Variants in SYNJ2 observed in about 807,000 individuals in gnomAD.
The protein encoded by SYNJ2 is synaptojanin 2, also known as polyphosphatidylinositol phosphatase SYNJ2.
Under a neutral mutation model 141.3 loss-of-function variants are expected in SYNJ2, and 116 were observed. That is an observed-to-expected ratio of 0.82 (90% CI 0.71 to 0.96). The LOEUF is 0.96. SYNJ2 is among the 40% of genes least tolerant of loss of function. The pLI is 0.00. For missense variants in SYNJ2, 1,873 were observed against 1,934.8 expected (o/e 0.97, Z 0.60); for synonymous variants, 745 against 777.7 (o/e 0.96, Z 0.70).
At chr6:157,983,830 AATT>A (rs1303383435) in intron 1 of SYNJ2, among the ~76,000 whole-genome samples, 59 of 151,692 alleles carry the variant, frequency 3.9e-4, no homozygotes, top group African/African-American at 1.4e-3. Context: ...TTTAAAAAAA[AATT>A]TTTTTTTTTT....
chr6:158,013,939 G>A (rs1456524563), intron 1 of SYNJ2, among the ~76,000 whole-genome samples: 1 of 152,188 alleles, frequency 6.6e-6, no homozygotes, highest in Non-Finnish European at 1.5e-5. Flanking sequence ...GTGTTCTAGT[G>A]CCACTGGTTG....
At chr6:158,091,486 C>T (rs11965543) in intron 25 of SYNJ2, among the ~76,000 whole-genome samples, 5 of 150,990 alleles carry the variant, frequency 3.3e-5, no homozygotes, top group African/African-American at 7.3e-5. Flanking sequence ...CAGTGGCTCA[C>T]GCCTGTAATC....
chr6:158,072,466 A>T (rs1319470616), intron 15 of SYNJ2, among the ~76,000 whole-genome samples: 1 of 152,132 alleles, frequency 6.6e-6, no homozygotes, highest in African/African-American at 2.4e-5. Context: ...ACACGAGGCC[A>T]CCTCTTTCCC....
At chr6:158,072,301 TC>T (rs1781985352) in intron 15 of SYNJ2, among the ~76,000 whole-genome samples, 1 of 152,236 alleles carries the variant, frequency 6.6e-6, no homozygotes, top group Non-Finnish European at 1.5e-5. Flanking sequence ...ATCCTGCCTG[TC>T]CTCGAAGCTG....
At chr6:158,092,848 T>C in intron 25 of SYNJ2, 78 bp from the exon 26 acceptor site, 1 of 1,317,882 alleles carries the variant, frequency 7.6e-7, no homozygotes, top group South Asian at 1.6e-5. Context: ...ACACTTAGGA[T>C]GTAGACTGTC....
chr6:158,078,416 C>A, intron 18 of SYNJ2, 135 bp downstream of exon 18: 1 of 581,084 alleles, frequency 1.7e-6, no homozygotes, highest in Admixed American at 2.8e-5. Context: ...TACAATACAC[C>A]AAAGAACAAA....
intron 3 of SYNJ2, among the ~76,000 whole-genome samples, chr6:158,031,335 A>T (rs924061901): frequency 6.6e-6 from 1 of 152,152 alleles, no homozygotes; most frequent in African/African-American, 2.4e-5. Context: ...TCTCTTCCCT[A>T]TGCCAGCTCT....
chr6:158,079,238 CAG>C (rs1274441819), intron 18 of SYNJ2: 6 of 152,180 alleles, frequency 3.9e-5, no homozygotes, highest in African/African-American at 1.4e-4. Context: ...TCTTTAAAGA[CAG>C]AGGAGAGGAT....
rs1191409103 is a variant in SYNJ2 at position 158,081,833 on chromosome 6, G to A, written c.2865+323G>A. On this transcript the variant is annotated intron_variant, in intron 20 of 26. Transcript: ENST00000355585. ...AGAGAGGATCTCACTCTGTAGCCCC[G>A]GCTGGAGTGCATTGGGACAGTTATG... 5.3e-5 allele frequency among the ~76,000 whole-genome samples: 8 copies of A among 151,770 alleles called. No homozygotes were observed. The East Asian group carries it at 5.8e-4, about 11-fold the overall frequency.
Position 157,981,894 on chromosome 6 carries a change from G to A in SYNJ2, c.-68G>A. 1.0e-5 allele frequency: 12 copies of A among 1,202,780 alleles called. No individual in the cohort carries two copies. Among genetic ancestry groups the A allele is most frequent in the African/African-American group, 1.6e-5 (1 of 63,586 alleles). The allele number at this position is 1,202,780 out of a possible 1,614,324, so 74.5% of individuals were successfully genotyped here. A position where few individuals can be genotyped will look rare whatever the true frequency, so the allele number is the denominator to read the frequency against. On this transcript the variant is annotated 5_prime_UTR_variant, in exon 1 of 27. Transcript: ENST00000355585. The surrounding 1 kb of genome is among the most constrained non-coding windows in gnomAD (Gnocchi z 6.4). ...CTGGCAAGTTGCGGGCGCGCGGGGA[G>A]CTGTCGCGGGCAGCGCGCCCTCGGG...
intron 1 of SYNJ2, chr6:158,001,772 T>G (rs757892413): frequency 2.0e-5 from 3 of 152,254 alleles, no homozygotes; most frequent in African/African-American, 7.2e-5. Context: ...CTCCCAGGCT[T>G]GTCCCCCCTC....
intron 2 of SYNJ2, among the ~76,000 whole-genome samples, chr6:158,018,565 T>C (rs1271581826): frequency 6.6e-6 from 1 of 152,190 alleles, no homozygotes; most frequent in Admixed American, 6.5e-5. Context: ...GTGTTTTCTG[T>C]CATGGAATGT....
intron 1 of SYNJ2, among the ~76,000 whole-genome samples, chr6:157,996,485 C>T (rs1777636957): frequency 1.3e-5 from 2 of 152,158 alleles, no homozygotes; most frequent in South Asian, 2.1e-4. Flanking sequence ...CATCTCCCAC[C>T]ATTTCCTGGG....
At chr6:157,988,634 G>A (rs1777297599) in intron 1 of SYNJ2, among the ~76,000 whole-genome samples, 1 of 152,190 alleles carries the variant, frequency 6.6e-6, no homozygotes, top group South Asian at 2.1e-4. Flanking sequence ...GGGCTCCTTC[G>A]GCCTTCCCAC....
chr6:158,036,986 A>G (rs1304652545), intron 4 of SYNJ2, among the ~76,000 whole-genome samples: 1 of 152,112 alleles, frequency 6.6e-6, no homozygotes, highest in Non-Finnish European at 1.5e-5. Flanking sequence ...GGTCTCATCT[A>G]TTGCATCTCA....
rs144322600 is a variant in SYNJ2, at chr6:158,023,172, C to T, written c.215-5584C>T. ...ACTTGGGAGGCTGACATGGGAGGAT[C>T]GCTGGAACCCAGAAAGGGGAAGTTG... On this transcript the variant is annotated intron_variant, in intron 2 of 26. Transcript: ENST00000355585. Among the ~76,000 whole-genome samples the T allele has an allele frequency of 2.9e-3, 444 of 151,102 alleles. 2 individuals are homozygous for T. The highest frequency in any genetic ancestry group is 0.01 in the African/African-American group (427 of 41,100).
chr6:158,078,160 G>A lies in SYNJ2; in HGVS notation c.2450-4G>A, dbSNP rs1385693798. ...GGTCTCTCGAATGGAACCCCTGCGAGTAGCTGGAGAACTCAACCTTCTAGA... is the reference window on the plus strand; with the variant it reads ...GGTCTCTCGAATGGAACCCCTGCGAATAGCTGGAGAACTCAACCTTCTAGA... On this transcript the variant is annotated splice_region_variant and splice_polypyrimidine_tract_variant and intron_variant, in intron 17 of 26. Coordinates refer to ENST00000355585, the MANE Select transcript of SYNJ2 (RefSeq NM_003898.4). 6.3e-7 allele frequency: 1 copy of A among 1,596,708 alleles called. No homozygotes were observed. The highest frequency in any genetic ancestry group is 1.7e-5 in the Admixed American group (1 of 59,768).
chr6:158,078,686 T>A (rs1782478645), intron 18 of SYNJ2: 1 of 156,430 alleles, frequency 6.4e-6, no homozygotes, highest in South Asian at 1.9e-4. Context: ...ACTAAATATA[T>A]CCATGGAACT....
chr6:158,083,566 T>G lies in SYNJ2; in HGVS notation c.3003T>G (p.Phe1001Leu), dbSNP rs2128391543. 6.2e-6 allele frequency: 10 copies of G among 1,614,190 alleles called. No individual in the cohort carries two copies. In the Admixed American group the frequency reaches 1.7e-4, roughly 27 times the overall value. ...ACTCCTGTTTGCTGGAGGAAAACTT[T>G]GACTTCACAAGTTTGGACTATGAGT... ...TANSCLLEEN[F>L]DFTSLDYESE... Residue 1001 changes from phenylalanine to leucine, a missense_variant, in exon 21 of 27, where the codon TTT becomes TTG. By Grantham distance (22) the Phe-to-Leu change is conservative. Transcript: ENST00000355585.
Sources: allele counts gnomAD v4.1 joint callset (sites outside exome capture counted in the v4.1 genomes callset), GRCh38; gene constraint gnomAD v4.1.1; non-coding constraint Gnocchi (gnomAD v3.1); transcripts MANE v1.5; gene names NCBI Gene and HGNC (gene_info 2026-07-23, HGNC 2026-07-21).